DPYD: variants seen among roughly 807,000 people sequenced by gnomAD.
The protein encoded by DPYD is dihydropyrimidine dehydrogenase, also known as dihydropyrimidine dehydrogenase [NADP(+)].
A neutral mutation model predicts 116.2 loss-of-function variants in DPYD; 109 were observed. The observed-to-expected ratio is 0.94, with a 90% CI of 0.80 to 1.10. DPYD has a LOEUF of 1.10. Among genes scored for constraint, DPYD ranks in the 50% least tolerant of loss-of-function variants. DPYD has a pLI of 0.00. For synonymous variants in DPYD, 440 were observed against 432.0 expected, an observed-to-expected ratio of 1.02 and a Z score of -0.23; for missense variants, 1,302 against 1,254.5, an observed-to-expected ratio of 1.04 and a Z score of -0.57.
chr1:97,862,789 T>G (rs955561160), intron 2 of DPYD, among the ~76,000 whole-genome samples: 1 of 151,888 alleles, frequency 6.6e-6, no homozygotes, highest in African/African-American at 2.4e-5. Context: ...TAATATTATA[T>G]CAAATTAAAA....
chr1:97,794,539 C>T (rs545542057), intron 3 of DPYD, among the ~76,000 whole-genome samples: 10 of 152,186 alleles, frequency 6.6e-5, no homozygotes, highest in East Asian at 1.9e-4. Context: ...ATATTACTTC[C>T]GTTTTGTTTT....
chr1:97,864,644 A>G (rs1035113752), intron 2 of DPYD, among the ~76,000 whole-genome samples: 1 of 152,044 alleles, frequency 6.6e-6, no homozygotes, highest in East Asian at 1.9e-4. Context: ...AATACTGAAT[A>G]GTGAGGATGG....
chr1:97,078,729 A>T lies in DPYD; in HGVS notation c.*247T>A. 1 of 489,916 alleles carries T rather than the reference A, an allele frequency of 2.0e-6. No homozygotes were observed. Among genetic ancestry groups the T allele is most frequent in the Non-Finnish European group, 3.7e-6 (1 of 272,854 alleles). 30.3% of individuals were successfully genotyped at this position (489,916 alleles called of 1,614,324 possible). A position where few individuals can be genotyped will look rare whatever the true frequency, so the allele number is the denominator to read the frequency against. On this transcript the variant is annotated 3_prime_UTR_variant, in exon 23 of 23. Transcript: ENST00000370192. ...GACAACTGGCAGTGAACATCCAATT[A>T]ACTGCCACACAGTTATTTAACTACT... is the stretch of plus-strand genomic sequence containing the variant.
intron 21 of DPYD, among the ~76,000 whole-genome samples, chr1:97,090,570 T>C (rs1416568855): frequency 1.3e-5 from 2 of 152,200 alleles, no homozygotes; most frequent in Non-Finnish European, 2.9e-5. Flanking sequence ...TATCACCATC[T>C]CTGTGAAGCT....
intron 20 of DPYD, among the ~76,000 whole-genome samples, chr1:97,186,536 T>C (rs1658004524): frequency 6.6e-6 from 1 of 151,902 alleles, no homozygotes; most frequent in Non-Finnish European, 1.5e-5. Flanking sequence ...ACTTTCTTTT[T>C]CTGAGTTGTT....
intron 14 of DPYD, among the ~76,000 whole-genome samples, chr1:97,444,991 A>C (rs2101773352): frequency 6.6e-6 from 1 of 152,300 alleles, no homozygotes; most frequent in African/African-American, 2.4e-5. Context: ...ACCTAACGGC[A>C]TGCCAGGCAA....
intron 4 of DPYD, among the ~76,000 whole-genome samples, chr1:97,724,302 GGGGGGGTGTGTGTGTGTGTGT>G (rs1557910191): frequency 9.4e-4 from 14 of 14,936 alleles, no homozygotes; most frequent in East Asian, 5.1e-3. Context: ...GTGGGGGGGG[GGGGGGGTGTGTGTGTGTGTGT>G]GTGTGTGTGT....
chr1:97,305,970 T>C (rs536550709), intron 17 of DPYD, among the ~76,000 whole-genome samples: 9 of 151,954 alleles, frequency 5.9e-5, no homozygotes, highest in Non-Finnish European at 8.8e-5. Context: ...GATCTTGTGT[T>C]TCCAGATCAA....
At chr1:97,705,751 C>A (rs2100988745) in intron 5 of DPYD, among the ~76,000 whole-genome samples, 1 of 152,228 alleles carries the variant, frequency 6.6e-6, no homozygotes, top group Middle Eastern at 3.4e-3. Flanking sequence ...GTCCCACCAA[C>A]AGTGTAAAAG....
Position 97,245,635 on chromosome 1 carries a change from A to G in DPYD, c.2300-10641T>C, listed in dbSNP as rs147817932. 6.1e-3 allele frequency among the ~76,000 whole-genome samples: 931 copies of G among 152,246 alleles called. 13 individuals are homozygous for G. The highest frequency in any genetic ancestry group is 0.021 in the African/African-American group (892 of 41,548). Reference sequence around the variant, plus strand: ...GAGAAGGAGGAAGATTATAATGACAATGATAATGCCGATGACCGGAGTTTC... The same window carrying G: ...GAGAAGGAGGAAGATTATAATGACAGTGATAATGCCGATGACCGGAGTTTC... On this transcript the variant is annotated intron_variant, in intron 18 of 22. Transcript: ENST00000370192.
intron 1 of DPYD, among the ~76,000 whole-genome samples, chr1:97,905,115 C>T (rs1673544633): frequency 6.6e-6 from 1 of 151,998 alleles, no homozygotes; most frequent in Non-Finnish European, 1.5e-5. Context: ...ATTTATTTCA[C>T]TTTCAGATTA....
intron 13 of DPYD, among the ~76,000 whole-genome samples, chr1:97,508,670 A>C (rs144211816): frequency 3.9e-5 from 6 of 152,070 alleles, no homozygotes; most frequent in African/African-American, 1.4e-4. Flanking sequence ...ACATAAAGTA[A>C]TATGGTCCAG....
chr1:97,654,220 T>G (rs1285625017), intron 8 of DPYD, among the ~76,000 whole-genome samples: 1 of 152,322 alleles, frequency 6.6e-6, no homozygotes, highest in South Asian at 2.1e-4. Context: ...ATATGATGGA[T>G]AGATAATTAC....
chr1:97,466,757 T>G (rs1195297451), intron 13 of DPYD, among the ~76,000 whole-genome samples: 1 of 152,160 alleles, frequency 6.6e-6, no homozygotes, highest in Non-Finnish European at 1.5e-5. Context: ...CTAAGCATAT[T>G]AAAGGCCACC....
chr1:97,735,155 T>C (rs927068063), intron 4 of DPYD, among the ~76,000 whole-genome samples: 2 of 152,052 alleles, frequency 1.3e-5, no homozygotes, highest in Admixed American at 6.6e-5. Flanking sequence ...CAAATATAAA[T>C]CCCTTGTAAA....
At chr1:97,647,263 C>T (rs995554357) in intron 8 of DPYD, among the ~76,000 whole-genome samples, 1 of 151,984 alleles carries the variant, frequency 6.6e-6, no homozygotes, top group African/African-American at 2.4e-5. Flanking sequence ...TTTAAATACA[C>T]ATATATTCTT....
rs72732330 is a variant in DPYD, at chr1:97,575,402, G to C, written c.1129-1432C>G. On this transcript the variant is annotated intron_variant, in intron 10 of 22. Coordinates refer to ENST00000370192, the MANE Select transcript of DPYD (RefSeq NM_000110.4). ...GTATATCTATGGTATTAAAATCATA[G>C]CAGGGAGGATTAAGAAAAAAATCTA... is the stretch of plus-strand genomic sequence containing the variant. Among the ~76,000 whole-genome samples, 699 of 152,202 alleles carry C rather than the reference G, an allele frequency of 4.6e-3. 10 individuals carry two copies. Among genetic ancestry groups the C allele is most frequent in the African/African-American group, 0.016 (654 of 41,534 alleles).
intron 18 of DPYD, among the ~76,000 whole-genome samples, chr1:97,280,767 G>A (rs927262064): frequency 4.6e-5 from 7 of 152,058 alleles, no homozygotes; most frequent in Non-Finnish European, 1.0e-4. Flanking sequence ...GCCTGGATAG[G>A]TTAGTCAATG....
At chr1:97,423,010 T>C (rs965055857) in intron 14 of DPYD, among the ~76,000 whole-genome samples, 2 of 151,822 alleles carry the variant, frequency 1.3e-5, no homozygotes, top group Non-Finnish European at 2.9e-5. Context: ...ATATCATACA[T>C]CAAGGTCCAC....
Sources: gnomAD v4.1 joint callset for allele counts (sites outside exome capture counted in the v4.1 genomes callset) on GRCh38, gnomAD v4.1.1 for gene constraint, MANE v1.5 for transcripts, NCBI Gene and HGNC (gene_info 2026-07-23, HGNC 2026-07-21) for gene names.